The following PCDH15 variants were observed in gnomAD, a reference collection of about 807,000 sequenced individuals.
PCDH15 encodes the protein protocadherin-15.
A neutral mutation model predicts 178.5 loss-of-function variants in PCDH15; 129 were observed. The ratio of observed to expected loss-of-function variants is 0.72; its 90% CI spans 0.63 to 0.84. The LOEUF is 0.84. Among genes scored for constraint, PCDH15 ranks in the 40% least tolerant of loss-of-function variants. The probability of loss-of-function intolerance (pLI) is 0.00; values close to 1 mark genes in which losing one functional copy is unlikely to be tolerated. For synonymous variants in PCDH15, 800 were observed against 732.0 expected (o/e 1.09, Z -1.50); for missense variants, 2,230 against 2,099.9 (o/e 1.06, Z -1.21).
At chr10:54,932,135 TA>T (rs959516902) in intron 2 of PCDH15, among the ~76,000 whole-genome samples, 5 of 152,144 alleles carry the variant, frequency 3.3e-5, no homozygotes, top group Admixed American at 2.6e-4. Context: ...CTTCTACTTA[TA>T]AAAAAAGTTA....
At chr10:53,972,202 T>A (rs35726931) in intron 21 of PCDH15, among the ~76,000 whole-genome samples, 1 of 152,088 alleles carries the variant, frequency 6.6e-6, no homozygotes, top group Non-Finnish European at 1.5e-5. Context: ...ATTCCCTATT[T>A]AATAAATGGT....
chr10:54,742,759 A>G (rs10509017), intron 1 of PCDH15, among the ~76,000 whole-genome samples: 5,466 of 152,118 alleles, frequency 0.036, 345 homozygotes, highest in African/African-American at 0.13. Flanking sequence ...TCCTAATGTC[A>G]TGGTACACTA....
chr10:54,988,721 A>T (rs553853082), intron 2 of PCDH15, among the ~76,000 whole-genome samples: 2 of 152,180 alleles, frequency 1.3e-5, no homozygotes, highest in African/African-American at 2.4e-5. Flanking sequence ...AAAGGTATTC[A>T]GTTTTATAAG....
intron 22 of PCDH15, among the ~76,000 whole-genome samples, 153 bp downstream of exon 22, chr10:53,961,599 T>G (rs2088321544): frequency 6.6e-6 from 1 of 152,042 alleles, no homozygotes; most frequent in Non-Finnish European, 1.5e-5. Context: ...TTTTTACTAT[T>G]TTTGTAAGTT....
intron 26 of PCDH15, among the ~76,000 whole-genome samples, chr10:53,897,577 T>G (rs1404160497): frequency 7.5e-6 from 1 of 133,460 alleles, no homozygotes; most frequent in Non-Finnish European, 1.6e-5. Context: ...CAGTGTACAG[T>G]TCATTGACAT....
intron 1 of PCDH15, among the ~76,000 whole-genome samples, chr10:55,224,438 G>C (rs1840969807): frequency 6.6e-6 from 1 of 151,980 alleles, no homozygotes; most frequent in Non-Finnish European, 1.5e-5. Context: ...GTGTGCTTTT[G>C]CTTGACTTCT....
chr10:54,463,395 C>T (rs572065050), intron 3 of PCDH15, among the ~76,000 whole-genome samples: 1 of 152,104 alleles, frequency 6.6e-6, no homozygotes, highest in Non-Finnish European at 1.5e-5. Context: ...TATCAGTAAG[C>T]AATCTGAGAC....
intron 1 of PCDH15, among the ~76,000 whole-genome samples, chr10:54,734,114 T>C (rs962729390): frequency 2.0e-5 from 3 of 151,660 alleles, no homozygotes; most frequent in African/African-American, 7.3e-5. Flanking sequence ...CCAAAAAACA[T>C]ATTTAAAAAG....
At chr10:55,242,424 G>C (rs1370233279) in intron 1 of PCDH15, among the ~76,000 whole-genome samples, 3 of 149,198 alleles carry the variant, frequency 2.0e-5, no homozygotes, top group Non-Finnish European at 4.5e-5. Context: ...ACAGAACTTT[G>C]AATCTGTTAA....
At chr10:54,582,122 A>G (rs1478068834) in intron 2 of PCDH15, among the ~76,000 whole-genome samples, 2 of 152,138 alleles carry the variant, frequency 1.3e-5, no homozygotes, top group Non-Finnish European at 2.9e-5. Flanking sequence ...AAAATTTTAA[A>G]AAGATCAACA....
intron 2 of PCDH15, among the ~76,000 whole-genome samples, chr10:55,520,574 C>A (rs1004568044): frequency 6.7e-6 from 1 of 149,432 alleles, no homozygotes; most frequent in Non-Finnish European, 1.5e-5. Context: ...CTAGGAAGAA[C>A]ATAAATCATT....
chr10:54,256,268 A>G (rs575286907), intron 8 of PCDH15, among the ~76,000 whole-genome samples: 1 of 152,196 alleles, frequency 6.6e-6, no homozygotes, highest in South Asian at 2.1e-4. Flanking sequence ...AAAGATAAAA[A>G]AAAGCATTTA....
intron 2 of PCDH15, among the ~76,000 whole-genome samples, chr10:54,655,307 A>G (rs1232016162): frequency 2.4e-5 from 3 of 124,006 alleles, no homozygotes; most frequent in Non-Finnish European, 3.4e-5. Context: ...AGAGAGACAG[A>G]GAGAGAGACA....
chr10:54,293,874 TTTAAA>T (rs2059580891), intron 8 of PCDH15, among the ~76,000 whole-genome samples: 1 of 152,018 alleles, frequency 6.6e-6, no homozygotes, highest in Middle Eastern at 3.2e-3. Context: ...TTGGTGGGAG[TTTAAA>T]TTATTTCAAC....
At chr10:54,356,984 T>C (rs1945111368) in intron 5 of PCDH15, among the ~76,000 whole-genome samples, 1 of 152,074 alleles carries the variant, frequency 6.6e-6, no homozygotes, top group Non-Finnish European at 1.5e-5. Flanking sequence ...AAAATCTCAA[T>C]AAATTAGGTA....
intron 2 of PCDH15, among the ~76,000 whole-genome samples, chr10:55,075,687 T>C (rs1173487813): frequency 5.3e-5 from 8 of 151,666 alleles, no homozygotes; most frequent in South Asian, 4.2e-4. Flanking sequence ...AAGAATCAGC[T>C]TTTTGTTTTA....
chr10:55,301,818 T>A (rs1303568434), intron 1 of PCDH15, among the ~76,000 whole-genome samples: 1 of 152,180 alleles, frequency 6.6e-6, no homozygotes, highest in Non-Finnish European at 1.5e-5. Flanking sequence ...GATGTTCAAT[T>A]GCTCCAGCAA....
intron 1 of PCDH15, among the ~76,000 whole-genome samples, chr10:55,214,326 GA>G (rs1840644876): frequency 6.6e-6 from 1 of 151,234 alleles, no homozygotes; most frequent in African/African-American, 2.4e-5. Context: ...TATTTTCATA[GA>G]CTAACTACTG....
At chr10:54,581,299 G>C (rs567034263) in intron 2 of PCDH15, among the ~76,000 whole-genome samples, 1 of 152,142 alleles carries the variant, frequency 6.6e-6, no homozygotes, top group South Asian at 2.1e-4. Context: ...TAATGTTCAA[G>C]TGGAGAGTCA....
Sources: allele counts gnomAD v4.1 joint callset (sites outside exome capture counted in the v4.1 genomes callset), GRCh38; gene constraint gnomAD v4.1.1; transcripts MANE v1.5; gene names NCBI Gene and HGNC (gene_info 2026-07-23, HGNC 2026-07-21).